Variants in SLCO1A2 observed in about 807,000 individuals in gnomAD.
SLCO1A2 encodes OATP-1.
A neutral mutation model predicts 69.0 loss-of-function variants in SLCO1A2; 67 were observed. The observed-to-expected ratio is 0.97, with a 90% CI of 0.80 to 1.19. The LOEUF (loss-of-function observed/expected upper bound fraction) is 1.19. Among genes scored for constraint, SLCO1A2 ranks in the 50% most tolerant of loss-of-function variants. The pLI is 0.00. For missense variants in SLCO1A2, 787 were observed against 793.7 expected (o/e 0.99, Z 0.10); for synonymous variants, 260 against 265.9 (o/e 0.98, Z 0.22).
intron 12 of SLCO1A2, among the ~76,000 whole-genome samples, chr12:21,285,875 G>A (rs1457300041): frequency 1.3e-5 from 2 of 151,780 alleles, no homozygotes; most frequent in African/African-American, 4.8e-5. Context: ...AATAAGAGCT[G>A]TCTATGACAG....
intron 2 of SLCO1A2, among the ~76,000 whole-genome samples, chr12:21,362,959 C>A (rs894795333): frequency 3.3e-5 from 5 of 152,106 alleles, no homozygotes; most frequent in African/African-American, 9.7e-5. Context: ...GACATTAACA[C>A]CCCACTGTGA....
At chr12:21,325,905 T>C (rs1346617386) in intron 2 of SLCO1A2, among the ~76,000 whole-genome samples, 1 of 152,158 alleles carries the variant, frequency 6.6e-6, no homozygotes, top group Non-Finnish European at 1.5e-5. Context: ...GTGGTAGTAA[T>C]GTCACCTGGA....
At chr12:21,303,956 ATGCT>A (rs2136486977) in intron 6 of SLCO1A2, among the ~76,000 whole-genome samples, 1 of 152,314 alleles carries the variant, frequency 6.6e-6, no homozygotes, top group East Asian at 1.9e-4. Context: ...GATTAAAACA[ATGCT>A]TGAGAAAAAT....
intron 2 of SLCO1A2, among the ~76,000 whole-genome samples, chr12:21,350,833 C>A: frequency 5.4e-5 from 1 of 18,364 alleles, no homozygotes; most frequent in African/African-American, 2.4e-4. Flanking sequence ...AAGACTCTGT[C>A]TCAAAAAAAA....
intron 2 of SLCO1A2, among the ~76,000 whole-genome samples, chr12:21,347,669 A>AAAGAAAGGAAGGAAGGAAGGAAGG (rs1555122066): frequency 1.3e-3 from 153 of 113,480 alleles, no homozygotes; most frequent in African/African-American, 3.3e-3. Flanking sequence ...AGAAAGAAAG[A>AAAGAAAGGAAGGAAGGAAGGAAGG]AAGGAAGGAA....
At chr12:21,348,099 C>T (rs1433581548) in intron 2 of SLCO1A2, among the ~76,000 whole-genome samples, 3 of 152,080 alleles carry the variant, frequency 2.0e-5, no homozygotes, top group Non-Finnish European at 4.4e-5. Context: ...AGGACCATTC[C>T]CTTTTTTAAA....
chr12:21,343,254 T>G (rs1591864074), intron 2 of SLCO1A2, among the ~76,000 whole-genome samples: 1 of 152,124 alleles, frequency 6.6e-6, no homozygotes, highest in East Asian at 1.9e-4. Flanking sequence ...CCTTAGAACA[T>G]TTTCAGAACT....
chr12:21,407,274 G>T (rs2137200998), intron 1 of SLCO1A2, among the ~76,000 whole-genome samples: 1 of 152,290 alleles, frequency 6.6e-6, no homozygotes, highest in Non-Finnish European at 1.5e-5. Context: ...AAAAGCCTTA[G>T]GATGGAAGGA....
At chr12:21,309,590 C>T (rs1316346714) in intron 4 of SLCO1A2, among the ~76,000 whole-genome samples, 1 of 152,010 alleles carries the variant, frequency 6.6e-6, no homozygotes, top group Non-Finnish European at 1.5e-5. Flanking sequence ...GCCAAAGTAA[C>T]AATCAAATAT....
intron 13 of SLCO1A2, 33 bp from the exon 14 acceptor site, chr12:21,274,619 C>T (rs770564027): frequency 2.3e-6 from 3 of 1,328,192 alleles, no homozygotes; most frequent in Middle Eastern, 1.8e-4. Context: ...AATCTATCAA[C>T]AAGAATTAAG....
In SLCO1A2 at chr12:21,294,037, T is replaced by A. The variant is rs1281218365; in HGVS notation, c.1345A>T (p.Ile449Leu). ...CNVDCNCPSK[I>L]WDPVCGNNGL... ...TTGTTTCCACACACAGGATCCCATA[T>A]TTTAGATGGACAGTTGCAATCCACA... The change falls in exon 11 of 15, where the codon ATA becomes TTA. Residue 449 changes from isoleucine (I) to leucine (L), a missense_variant. Coordinates refer to ENST00000683939, the MANE Select transcript of SLCO1A2 (RefSeq NM_001386879.1). 1 of 1,612,116 alleles carries A rather than the reference T, an allele frequency of 6.2e-7. No individual in the cohort carries two copies. The highest frequency in any genetic ancestry group is 8.5e-7 in the Non-Finnish European group (1 of 1,179,108).
intron 1 of SLCO1A2, chr12:21,378,262 A>C: frequency 6.2e-7 from 1 of 1,614,220 alleles, no homozygotes. Context: ...GCGGAAATGC[A>C]ACACTGCCAC....
upstream of SLCO1A2, among the ~76,000 whole-genome samples, chr12:21,399,899 G>A (rs375078921): frequency 2.2e-4 from 33 of 150,840 alleles, no homozygotes; most frequent in Admixed American, 8.6e-4. Context: ...AGACTTAAAC[G>A]TTAGACCTAA....
chr12:21,317,090 T>A (rs924731123), intron 3 of SLCO1A2, among the ~76,000 whole-genome samples: 1 of 152,210 alleles, frequency 6.6e-6, no homozygotes, highest in Non-Finnish European at 1.5e-5. Flanking sequence ...TAGTTTTTTT[T>A]ATGCAATTAA....
chr12:21,337,504 A>C (rs1193474943), upstream of SLCO1A2, among the ~76,000 whole-genome samples: 5 of 151,804 alleles, frequency 3.3e-5, no homozygotes, highest in South Asian at 2.1e-4. Flanking sequence ...TACATGAAGA[A>C]GACTTAGGAG....
chr12:21,375,865 T>C (rs1329343149), intron 1 of SLCO1A2, among the ~76,000 whole-genome samples: 1 of 152,236 alleles, frequency 6.6e-6, no homozygotes, highest in African/African-American at 2.4e-5. Context: ...GCTTTAATGT[T>C]TGTTACTAGC....
At chr12:21,381,146 AAAAC>A (rs1169871209) in intron 1 of SLCO1A2, among the ~76,000 whole-genome samples, 6 of 152,242 alleles carry the variant, frequency 3.9e-5, no homozygotes, top group African/African-American at 1.4e-4. Flanking sequence ...AAATGCAACA[AAAAC>A]AAAAATAAAT....
At chr12:21,366,787 TG>T (rs1273682325) in intron 2 of SLCO1A2, among the ~76,000 whole-genome samples, 3 of 151,940 alleles carry the variant, frequency 2.0e-5, no homozygotes, top group Non-Finnish European at 4.4e-5. Flanking sequence ...TTGTAGAAGT[TG>T]TTTTTTTATG....
intron 2 of SLCO1A2, chr12:21,373,221 C>T: frequency 1.4e-6 from 1 of 720,712 alleles, no homozygotes; most frequent in Non-Finnish European, 2.4e-6. Flanking sequence ...AATTTTGATC[C>T]TTGTAAATTA....
Sources: allele counts gnomAD v4.1 joint callset (sites outside exome capture counted in the v4.1 genomes callset), GRCh38; gene constraint gnomAD v4.1.1; transcripts MANE v1.5; gene names NCBI Gene and HGNC (gene_info 2026-07-23, HGNC 2026-07-21).